The following RHOT1 variants were observed in gnomAD, a reference collection of about 807,000 sequenced individuals.
RHOT1 encodes mitochondrial Rho GTPase 1.
In RHOT1, 27 loss-of-function variants were observed where a neutral mutation model predicts 95.3. The observed-to-expected ratio is 0.28, with a 90% CI of 0.21 to 0.39. The LOEUF (loss-of-function observed/expected upper bound fraction) is 0.39, where lower values mean the gene tolerates loss of function less well. Ranked by LOEUF, RHOT1 falls within the 10% of genes least tolerant of loss-of-function variation. The pLI is 1.00. For synonymous variants in RHOT1, 227 were observed against 263.5 expected (o/e 0.86, Z 1.34); for missense variants, 578 against 786.7 (o/e 0.73, Z 3.17).
At chr17:32,196,215 CCTGT>C (rs1469433042) in intron 11 of RHOT1, among the ~76,000 whole-genome samples, 8 of 149,376 alleles carry the variant, frequency 5.4e-5, no homozygotes, top group Non-Finnish European at 5.9e-5. Flanking sequence ...AGGGTCTTGC[CCTGT>C]CTGTCATTCA....
At chr17:32,176,818 G>A (rs147592265) in intron 6 of RHOT1, among the ~76,000 whole-genome samples, 30 of 152,060 alleles carry the variant, frequency 2.0e-4, no homozygotes, top group African/African-American at 6.5e-4. Context: ...TGATCTGCTC[G>A]CCTTGGCCTC....
rs1162059092 is a variant in RHOT1, at chr17:32,149,591, C to CTATA, written c.37+6904_37+6907dup. Among the ~76,000 whole-genome samples the CTATA allele has an allele frequency of 8.5e-3, 445 of 52,602 alleles. 4 individuals are homozygous for CTATA. Among genetic ancestry groups the CTATA allele is most frequent in the Non-Finnish European group, 0.013 (296 of 23,300 alleles). 34.5% of individuals were successfully genotyped at this position (52,602 alleles called of 152,430 possible). A position where few individuals can be genotyped will look rare whatever the true frequency, so the allele number is the denominator to read the frequency against. On this transcript the variant is annotated intron_variant, in intron 1 of 19. Transcript: ENST00000545287. ...GGTGAATCACTTGAGCCCAGCAGTT[C>CTATA]TATATATATATATATATATATATAT...
At chr17:32,175,396 T>G in intron 4 of RHOT1, 34 bp downstream of exon 4, 1 of 1,585,588 alleles carries the variant, frequency 6.3e-7, no homozygotes, top group Non-Finnish European at 8.7e-7. Context: ...TGGGGTTTTG[T>G]GTAGAAAAAC....
At chr17:32,188,072 C>T (rs886620374) in intron 8 of RHOT1, among the ~76,000 whole-genome samples, 7 of 152,354 alleles carry the variant, frequency 4.6e-5, no homozygotes, top group Admixed American at 2.0e-4. Context: ...CTACTCTCAT[C>T]TCTTCTCACT....
At chr17:32,172,078 A>T (rs764173519) in intron 2 of RHOT1, among the ~76,000 whole-genome samples, 50 of 152,220 alleles carry the variant, frequency 3.3e-4, no homozygotes, top group Non-Finnish European at 5.0e-4. Context: ...AGTAGGTATC[A>T]TTAGTGTCAC....
At chr17:32,152,790 C>T (rs1158446070) in intron 1 of RHOT1, among the ~76,000 whole-genome samples, 1 of 151,798 alleles carries the variant, frequency 6.6e-6, no homozygotes, top group Non-Finnish European at 1.5e-5. Context: ...TAATTTTGAT[C>T]ACATTATTTA....
At chr17:32,194,251 A>G in intron 11 of RHOT1, 144 bp downstream of exon 11, 1 of 766,854 alleles carries the variant, frequency 1.3e-6, no homozygotes. Flanking sequence ...GATTAAAGGC[A>G]TTGAGCCATG....
intron 8 of RHOT1, among the ~76,000 whole-genome samples, chr17:32,189,736 CTTTTT>C (rs71362807): frequency 1.6e-5 from 2 of 124,394 alleles, no homozygotes; most frequent in East Asian, 2.2e-4. Context: ...CTTTTCTTTT[CTTTTT>C]TTTTTTTTTT....
Position 32,206,953 on chromosome 17 carries a change from T to G in RHOT1, c.1460T>G (p.Ile487Ser), listed in dbSNP as rs1256979362. The G allele has an allele frequency of 2.5e-6, 4 of 1,608,130 alleles. No homozygotes were observed. In the Admixed American group the frequency reaches 6.7e-5, roughly 27 times the overall value. ...SESEFLTEAE[I>S]ICDVVCLVYD... The stretch of plus-strand genomic sequence containing the variant: ...TCGGAATTTCTAACTGAAGCTGAAA[T>G]CATTTGTGATGTTGTATGCCTGGTA... The change falls in exon 17 of 20, where the codon ATC becomes AGC. Residue 487 changes from isoleucine to serine, a missense_variant. Transcript: ENST00000545287.
chr17:32,165,512 G>C (rs978950512), intron 1 of RHOT1, among the ~76,000 whole-genome samples: 2 of 149,570 alleles, frequency 1.3e-5, no homozygotes, highest in East Asian at 3.9e-4. Context: ...GATCGAGAGA[G>C]ACCCTGTCTC....
chr17:32,205,929 G>A lies in RHOT1; in HGVS notation c.1417-981G>A, dbSNP rs140070011. ...ATAATAAGCACCGAAGAGTGGCAGTGAAACAGAACAAAAATGACCTTACTG... is the reference window on the plus strand; with the variant it reads ...ATAATAAGCACCGAAGAGTGGCAGTAAAACAGAACAAAAATGACCTTACTG... On this transcript the variant is annotated intron_variant, in intron 16 of 19. Coordinates refer to ENST00000545287, the MANE Select transcript of RHOT1 (RefSeq NM_001033566.3). Among the ~76,000 whole-genome samples the A allele has an allele frequency of 2.5e-3, 383 of 152,246 alleles. 3 individuals carry two copies. The highest frequency in any genetic ancestry group is 4.0e-3 in the Non-Finnish European group (273 of 68,016).
intron 1 of RHOT1, among the ~76,000 whole-genome samples, chr17:32,148,093 G>C (rs1041816062): frequency 6.6e-6 from 1 of 152,038 alleles, no homozygotes; most frequent in African/African-American, 2.4e-5. Flanking sequence ...GTGAAACCTC[G>C]TCTCTACTAA....
At chr17:32,207,163 A>C (rs2037818247) in intron 17 of RHOT1, 134 bp downstream of exon 17, 1 of 827,180 alleles carries the variant, frequency 1.2e-6, no homozygotes, top group Non-Finnish European at 1.8e-6. Context: ...TCTTTACCCT[A>C]TTCCTGAAGG....
intron 1 of RHOT1, among the ~76,000 whole-genome samples, chr17:32,148,708 C>A (rs1029843166): frequency 4.6e-5 from 7 of 152,188 alleles, no homozygotes; most frequent in Admixed American, 2.0e-4. Flanking sequence ...GAGCCAACAA[C>A]GCTTCTTACT....
At chr17:32,220,051 A>G (rs1473500401) in intron 19 of RHOT1, among the ~76,000 whole-genome samples, 1 of 152,272 alleles carries the variant, frequency 6.6e-6, no homozygotes, top group East Asian at 1.9e-4. Context: ...AATTTTATGT[A>G]GAAAGATAGT....
intron 1 of RHOT1, among the ~76,000 whole-genome samples, chr17:32,164,921 G>A (rs1281178306): frequency 6.6e-6 from 1 of 152,048 alleles, no homozygotes; most frequent in African/African-American, 2.4e-5. Flanking sequence ...CACTTAGGGA[G>A]GCCAAGGCAG....
chr17:32,222,983 T>A (rs913068642), intron 19 of RHOT1: 6 of 592,242 alleles, frequency 1.0e-5, no homozygotes, highest in South Asian at 7.4e-5. Flanking sequence ...ACTTTTTTTT[T>A]AATAAAATGC....
intron 11 of RHOT1, among the ~76,000 whole-genome samples, chr17:32,194,696 G>A (rs2036735063): frequency 1.3e-5 from 2 of 152,054 alleles, no homozygotes; most frequent in African/African-American, 4.8e-5. Context: ...TGGGAGTCAA[G>A]AGATCTCAGA....
intron 1 of RHOT1, among the ~76,000 whole-genome samples, chr17:32,155,495 C>CTTT (rs767564866): frequency 3.0e-5 from 4 of 135,566 alleles, no homozygotes; most frequent in Non-Finnish European, 6.4e-5. Context: ...TTCTTTCTTT[C>CTTT]TTTTTTTTTT....
Sources: gnomAD v4.1 joint callset for allele counts (sites outside exome capture counted in the v4.1 genomes callset) on GRCh38, gnomAD v4.1.1 for gene constraint, MANE v1.5 for transcripts, NCBI Gene and HGNC (gene_info 2026-07-23, HGNC 2026-07-21) for gene names.